The following PTPRM variants were observed in gnomAD, a reference collection of about 807,000 sequenced individuals.
PTPRM encodes receptor-type tyrosine-protein phosphatase mu.
Under a neutral mutation model 186.7 loss-of-function variants are expected in PTPRM, and 47 were observed. That is an observed-to-expected ratio of 0.25 (90% CI 0.20 to 0.32). The LOEUF is 0.32. PTPRM is among the 10% of genes least tolerant of loss of function. PTPRM has a pLI of 1.00. For missense variants in PTPRM, 1,494 were observed against 1,865.0 expected, an observed-to-expected ratio of 0.80 and a Z score of 3.66; for synonymous variants, 668 against 674.9, an observed-to-expected ratio of 0.99 and a Z score of 0.16.
intron 7 of PTPRM, among the ~76,000 whole-genome samples, chr18:7,956,446 TAA>T (rs1021315729): frequency 1.3e-5 from 2 of 152,218 alleles, no homozygotes; most frequent in African/African-American, 4.8e-5. Context: ...TTCTGTATTT[TAA>T]AAAAGACTTT....
At chr18:7,701,415 G>A (rs560754221) in intron 1 of PTPRM, among the ~76,000 whole-genome samples, 3 of 151,248 alleles carry the variant, frequency 2.0e-5, no homozygotes, top group East Asian at 2.0e-4. Flanking sequence ...CTTGGCCAAC[G>A]TGGTGAAACC....
intron 2 of PTPRM, among the ~76,000 whole-genome samples, chr18:7,800,265 A>G (rs1003562341): frequency 3.3e-5 from 5 of 152,358 alleles, no homozygotes; most frequent in South Asian, 2.1e-4. Flanking sequence ...TGGTGGAAAT[A>G]TTAACAGCCA....
intron 13 of PTPRM, among the ~76,000 whole-genome samples, chr18:8,122,631 G>T (rs773976991): frequency 1.3e-5 from 2 of 152,156 alleles, no homozygotes; most frequent in African/African-American, 2.4e-5. Flanking sequence ...ATCAAACAGG[G>T]TTTCCAACAA....
At chr18:7,829,277 T>A (rs1307506583) in intron 2 of PTPRM, among the ~76,000 whole-genome samples, 2 of 152,212 alleles carry the variant, frequency 1.3e-5, no homozygotes, top group African/African-American at 2.4e-5. Context: ...AACTTGTATC[T>A]ATGTACATAA....
intron 31 of PTPRM, 120 bp from the exon 32 acceptor site, chr18:8,394,356 G>A (rs879390731): frequency 2.5e-5 from 28 of 1,135,436 alleles, no homozygotes; most frequent in East Asian, 1.1e-4. Context: ...GAGGTCCCCC[G>A]GCCTCAGAGC....
intron 23 of PTPRM, among the ~76,000 whole-genome samples, chr18:8,363,366 G>C (rs2148406000): frequency 6.6e-6 from 1 of 152,270 alleles, no homozygotes; most frequent in Non-Finnish European, 1.5e-5. Flanking sequence ...TTCTGTGACT[G>C]GCACAAAGTC....
At chr18:7,767,054 T>A (rs964865659) in intron 1 of PTPRM, among the ~76,000 whole-genome samples, 3 of 152,236 alleles carry the variant, frequency 2.0e-5, no homozygotes, top group Non-Finnish European at 4.4e-5. Flanking sequence ...GACTGGCACA[T>A]GGTCTGTGTT....
At chr18:7,983,963 G>C (rs2082695495) in intron 7 of PTPRM, among the ~76,000 whole-genome samples, 1 of 152,166 alleles carries the variant, frequency 6.6e-6, no homozygotes, top group African/African-American at 2.4e-5. Context: ...ATGTTATCAA[G>C]GTCGGTAGCT....
intron 1 of PTPRM, among the ~76,000 whole-genome samples, chr18:7,736,930 C>T (rs1173115297): frequency 6.6e-6 from 1 of 152,016 alleles, no homozygotes; most frequent in African/African-American, 2.4e-5. Context: ...AGGTCTTTCT[C>T]TTCCTTCAGG....
At chr18:8,328,268 C>T (rs1269605774) in intron 22 of PTPRM, among the ~76,000 whole-genome samples, 1 of 152,224 alleles carries the variant, frequency 6.6e-6, no homozygotes, top group Non-Finnish European at 1.5e-5. Flanking sequence ...GTGGAGGGTT[C>T]TCAGAGCGTC....
At position 8,133,927 on chromosome 18, in the gene PTPRM, C is replaced by G. The variant is rs142616109; in HGVS notation, c.2168-9720C>G. ...CTACTTGGGAGTCAGGCATAAAAAT[C>G]CAGAAGAGAAATAGATGGCAGTGAG... On this transcript the variant is annotated intron_variant, in intron 13 of 32. Transcript: ENST00000580170. 4.9e-4 allele frequency among the ~76,000 whole-genome samples: 75 copies of G among 151,956 alleles called. No individual in the cohort carries two copies. In the East Asian group the frequency reaches 0.014, roughly 28 times the overall value.
chr18:8,212,909 A>G (rs988750372), intron 14 of PTPRM, among the ~76,000 whole-genome samples: 3 of 152,166 alleles, frequency 2.0e-5, no homozygotes, highest in Non-Finnish European at 4.4e-5. Flanking sequence ...TTCCTTCTTC[A>G]GATCTTATGA....
chr18:7,827,146 A>G (rs1027262895), intron 2 of PTPRM, among the ~76,000 whole-genome samples: 1 of 152,198 alleles, frequency 6.6e-6, no homozygotes. Flanking sequence ...GACTGTGTTC[A>G]GGGCACTAAG....
rs1465224387 is a variant in PTPRM, at chr18:7,816,397, T to C, written c.196+42126T>C. On this transcript the variant is annotated intron_variant, in intron 2 of 32. Coordinates refer to ENST00000580170, the MANE Select transcript of PTPRM (RefSeq NM_001105244.2). ...AAATAATATACTTCCCTCATATACT[T>C]GTAAATTGACATGCAAAGCTTTTAA... Among the ~76,000 whole-genome samples the C allele has an allele frequency of 2.0e-5, 3 of 152,336 alleles. No homozygotes were observed. In the East Asian group the frequency reaches 5.8e-4, roughly 29 times the overall value.
At chr18:8,189,924 T>C (rs562704049) in intron 14 of PTPRM, among the ~76,000 whole-genome samples, 6 of 152,270 alleles carry the variant, frequency 3.9e-5, no homozygotes, top group Non-Finnish European at 8.8e-5. Flanking sequence ...TACTTAAAAA[T>C]TAAAATAATG....
Position 8,252,509 on chromosome 18 carries a change from C to T in PTPRM, c.2566+10C>T, listed in dbSNP as rs1177235841. ...AAAGTGCCAATAAATGGTAAGTTCC[C>T]CGATTCGCCCCATGGAAGAGTTGTG... On this transcript the variant is annotated intron_variant, in intron 18 of 32. Transcript: ENST00000580170. The T allele has an allele frequency of 1.9e-6, 3 of 1,545,890 alleles. No homozygotes were observed. The highest frequency in any genetic ancestry group is 2.7e-6 in the Non-Finnish European group (3 of 1,118,120).
At chr18:7,846,985 G>A (rs553392408) in intron 2 of PTPRM, among the ~76,000 whole-genome samples, 2 of 151,496 alleles carry the variant, frequency 1.3e-5, no homozygotes, top group African/African-American at 4.9e-5. Context: ...GTATTTTGAA[G>A]GATATAGCAA....
chr18:7,923,211 C>A (rs990297629), intron 4 of PTPRM, among the ~76,000 whole-genome samples: 1 of 152,170 alleles, frequency 6.6e-6, no homozygotes. Context: ...TGGCTACATA[C>A]CCAGACACCT....
intron 14 of PTPRM, among the ~76,000 whole-genome samples, chr18:8,213,983 A>G (rs1397393098): frequency 6.6e-6 from 1 of 152,220 alleles, no homozygotes; most frequent in East Asian, 1.9e-4. Context: ...GCTGGAAGCC[A>G]TTATTCTAAA....
Sources: gnomAD v4.1 joint callset for allele counts (sites outside exome capture counted in the v4.1 genomes callset) on GRCh38, gnomAD v4.1.1 for gene constraint, MANE v1.5 for transcripts, NCBI Gene and HGNC (gene_info 2026-07-23, HGNC 2026-07-21) for gene names.